The following HEMK2 variants were observed in gnomAD, a reference collection of about 807,000 sequenced individuals.
HEMK2 encodes the protein HemK methyltransferase 2, ETF1 glutamine and histone H4 lysine.
the HEMK2 span, among the ~76,000 whole-genome samples, chr21:28,666,881 T>C: frequency 6.6e-6 from 1 of 152,166 alleles, no homozygotes; most frequent in Non-Finnish European, 1.5e-5. Flanking sequence ...GATTTCTATA[T>C]TATGGGAACA....
At chr21:28,713,062 T>C in the HEMK2 span, among the ~76,000 whole-genome samples, 22 of 152,228 alleles carry the variant, frequency 1.4e-4, no homozygotes. Flanking sequence ...GCAAAGTCAG[T>C]ACTTTTCTGG....
the HEMK2 span, among the ~76,000 whole-genome samples, chr21:28,637,244 T>C: frequency 9.2e-5 from 14 of 152,310 alleles, no homozygotes; most frequent in South Asian, 2.9e-3. Context: ...CATTGTATGA[T>C]ATTAGGGTGG....
chr21:28,722,800 C>T, the HEMK2 span, among the ~76,000 whole-genome samples: 1 of 152,324 alleles, frequency 6.6e-6, no homozygotes, highest in Non-Finnish European at 1.5e-5. Context: ...AGGAGAATCG[C>T]TTGAACCCAG....
At chr21:28,793,257 C>A in the HEMK2 span, among the ~76,000 whole-genome samples, 7 of 152,154 alleles carry the variant, frequency 4.6e-5, no homozygotes, top group African/African-American at 1.7e-4. Context: ...TGGTAACCAC[C>A]TCTGAATTGC....
chr21:28,785,462 G>A, the HEMK2 span, among the ~76,000 whole-genome samples: 1 of 152,138 alleles, frequency 6.6e-6, no homozygotes, highest in African/African-American at 2.4e-5. Context: ...TTACAAATAT[G>A]TCCCCAATTC....
chr21:28,805,050 C>T, the HEMK2 span, among the ~76,000 whole-genome samples: 1 of 152,196 alleles, frequency 6.6e-6, no homozygotes, highest in Non-Finnish European at 1.5e-5. Context: ...AAAATGTACT[C>T]TTCATTGCAA....
chr21:28,876,740 G>T, the HEMK2 span, among the ~76,000 whole-genome samples: 1 of 151,992 alleles, frequency 6.6e-6, no homozygotes, highest in Non-Finnish European at 1.5e-5. Flanking sequence ...GCCTACTTTT[G>T]ACTCAGCAGA....
chr21:28,722,883 T>TCAAA, the HEMK2 span, among the ~76,000 whole-genome samples: 34 of 151,500 alleles, frequency 2.2e-4, no homozygotes, highest in African/African-American at 4.6e-4. Flanking sequence ...AAACTCAGTC[T>TCAAA]CAAACAAACA....
At chr21:28,853,750 G>T in the HEMK2 span, among the ~76,000 whole-genome samples, 1 of 152,200 alleles carries the variant, frequency 6.6e-6, no homozygotes, top group East Asian at 1.9e-4. Context: ...GGGAGGGGAT[G>T]TTGCCACTAT....
At chr21:28,630,864 G>A in the HEMK2 span, among the ~76,000 whole-genome samples, 1 of 151,724 alleles carries the variant, frequency 6.6e-6, no homozygotes, top group Admixed American at 6.6e-5. Flanking sequence ...CACCAACACG[G>A]CACATGTATA....
the HEMK2 span, among the ~76,000 whole-genome samples, chr21:28,814,719 A>T: frequency 1.3e-5 from 2 of 152,158 alleles, no homozygotes; most frequent in Non-Finnish European, 2.9e-5. Context: ...ATCATTAAAA[A>T]ATCAGGAAAC....
the HEMK2 span, among the ~76,000 whole-genome samples, chr21:28,812,071 G>T: frequency 7.2e-5 from 11 of 152,182 alleles, no homozygotes; most frequent in African/African-American, 2.7e-4. Context: ...AAAAACAGTA[G>T]AAGTAAATAT....
At chr21:28,776,947 T>A in the HEMK2 span, among the ~76,000 whole-genome samples, 1 of 152,158 alleles carries the variant, frequency 6.6e-6, no homozygotes, top group African/African-American at 2.4e-5. Flanking sequence ...AAAGTTAATC[T>A]CCTTTGGCAA....
the HEMK2 span, among the ~76,000 whole-genome samples, chr21:28,781,021 C>A: frequency 6.6e-6 from 1 of 152,228 alleles, no homozygotes; most frequent in South Asian, 2.1e-4. Flanking sequence ...TTAAGAGTTT[C>A]CCAAAAGCAT....
At chr21:28,630,137 C>T in the HEMK2 span, among the ~76,000 whole-genome samples, 1 of 152,086 alleles carries the variant, frequency 6.6e-6, no homozygotes, top group South Asian at 2.1e-4. Context: ...ATCTTAAGGC[C>T]GATTTGCTGT....
the HEMK2 span, among the ~76,000 whole-genome samples, chr21:28,687,268 A>G: frequency 3.5e-4 from 53 of 152,362 alleles, no homozygotes; most frequent in African/African-American, 1.3e-3. Flanking sequence ...AATGGCAAAC[A>G]TACTGCACCT....
chr21:28,610,496 A>G, the HEMK2 span, among the ~76,000 whole-genome samples: 1 of 152,162 alleles, frequency 6.6e-6, no homozygotes, highest in African/African-American at 2.4e-5. Flanking sequence ...TACAATGAAA[A>G]AAAAATAAGA....
the HEMK2 span, among the ~76,000 whole-genome samples, chr21:28,593,871 C>T: frequency 2.0e-5 from 3 of 152,158 alleles, no homozygotes; most frequent in South Asian, 6.2e-4. Flanking sequence ...GTACTCTACC[C>T]TCATCGAGGT....
chr21:28,625,521 A>C, the HEMK2 span, among the ~76,000 whole-genome samples: 2 of 152,124 alleles, frequency 1.3e-5, no homozygotes, highest in Non-Finnish European at 2.9e-5. Context: ...GGAGTTCGAG[A>C]CCAGCCTGAC....
Sources: allele counts gnomAD v4.1 joint callset (sites outside exome capture counted in the v4.1 genomes callset), GRCh38; gene constraint gnomAD v4.1.1; transcripts MANE v1.5; gene names NCBI Gene and HGNC (gene_info 2026-07-23, HGNC 2026-07-21).